MYOCD: variants seen among roughly 807,000 people sequenced by gnomAD.
The protein encoded by MYOCD is myocardin.
Under a neutral mutation model 96.1 loss-of-function variants are expected in MYOCD, and 32 were observed. The observed-to-expected ratio is 0.33, with a 90% confidence interval of 0.25 to 0.45. MYOCD has a LOEUF of 0.45. MYOCD is among the 20% of genes least tolerant of loss of function. MYOCD has a pLI of 1.00. For missense variants in MYOCD, 1,133 were observed against 1,200.6 expected (o/e 0.94, Z 0.83); for synonymous variants, 469 against 469.0 (o/e 1.00, Z 0.00).
At chr17:12,713,198 A>G (rs891603245) in intron 2 of MYOCD, among the ~76,000 whole-genome samples, 2 of 152,268 alleles carry the variant, frequency 1.3e-5, no homozygotes, top group African/African-American at 4.8e-5. Context: ...AGAAGGTTCC[A>G]GAAGACCTTT....
At chr17:12,738,577 T>C (rs2032413424) in intron 6 of MYOCD, among the ~76,000 whole-genome samples, 2 of 151,932 alleles carry the variant, frequency 1.3e-5, no homozygotes, top group Admixed American at 6.6e-5. Context: ...CACACATATA[T>C]ACACACATGC....
At chr17:12,678,210 A>G (rs528581558) in intron 1 of MYOCD, among the ~76,000 whole-genome samples, 54 of 151,586 alleles carry the variant, frequency 3.6e-4, no homozygotes, top group Non-Finnish European at 6.9e-4. Context: ...TTTTTACCCC[A>G]GATTGTGCTT....
At chr17:12,702,610 T>A (rs1207060165) in intron 1 of MYOCD, among the ~76,000 whole-genome samples, 1 of 152,030 alleles carries the variant, frequency 6.6e-6, no homozygotes, top group African/African-American at 2.4e-5. Context: ...TCCCTATACT[T>A]TTTGTTCCTA....
chr17:12,756,695 C>CAAAAAAAAAAAAAAAA (rs11307445), intron 11 of MYOCD, 138 bp downstream of exon 11: 19 of 142,208 alleles, frequency 1.3e-4, no homozygotes, highest in Admixed American at 2.2e-4. Flanking sequence ...GACTGCATCT[C>CAAAAAAAAAAAAAAAA]AAAAAAAAAA....
intron 9 of MYOCD, among the ~76,000 whole-genome samples, chr17:12,749,281 C>T (rs952047726): frequency 6.6e-6 from 1 of 152,002 alleles, no homozygotes; most frequent in Non-Finnish European, 1.5e-5. Flanking sequence ...GTAATCCTAG[C>T]GTTTGGGAGG....
chr17:12,700,332 G>A (rs2150668459), intron 1 of MYOCD, among the ~76,000 whole-genome samples: 1 of 146,784 alleles, frequency 6.8e-6, no homozygotes, highest in African/African-American at 2.5e-5. Context: ...CTCAATCTAA[G>A]TCAAAATGGC....
At chr17:12,758,939 C>A (rs2033091968) in intron 12 of MYOCD, among the ~76,000 whole-genome samples, 1 of 152,012 alleles carries the variant, frequency 6.6e-6, no homozygotes, top group Admixed American at 6.6e-5. Flanking sequence ...ATCCCAGCTA[C>A]TCTGGAGGCT....
At position 12,728,270 on chromosome 17, in the gene MYOCD, A is replaced by G. The variant is rs536005847; in HGVS notation, c.415+5262A>G. ...GGTCATCAGAGCATTTTCTTCACTT[A>G]ACGTGAACATCCCTTAGCTCCCACG... On this transcript the variant is annotated intron_variant, in intron 5 of 13. Transcript: ENST00000425538. 2.4e-4 allele frequency among the ~76,000 whole-genome samples: 37 copies of G among 152,212 alleles called. 1 individual carries two copies. In the South Asian group the frequency reaches 7.3e-3, roughly 30 times the overall value.
intron 6 of MYOCD, among the ~76,000 whole-genome samples, chr17:12,738,401 C>T (rs1342196301): frequency 6.6e-6 from 1 of 152,150 alleles, no homozygotes; most frequent in African/African-American, 2.4e-5. Flanking sequence ...CCTTTACAGA[C>T]TCTACCTCTG....
Position 12,763,252 on chromosome 17 carries a change from G to A in MYOCD, c.2569G>A (p.Val857Ile), listed in dbSNP as rs935349148. ...CACCGACAGTGATGAGCATCTTGAA[G>A]TCTTATTAAATTCCCAGAGCCCCCT... ...YATDSDEHLEVLLNSQSPLGK... is the reference protein window; with the variant it reads ...YATDSDEHLEILLNSQSPLGK... Residue 857 changes from valine (V) to isoleucine (I), a missense_variant, in exon 14 of 14, where the codon GTC becomes ATC. Coordinates refer to ENST00000425538, the MANE Select transcript of MYOCD (RefSeq NM_001146312.3). 1.9e-6 allele frequency: 3 copies of A among 1,613,800 alleles called. No homozygotes were observed. Among genetic ancestry groups the A allele is most frequent in the Admixed American group, 1.7e-5 (1 of 59,966 alleles).
intron 4 of MYOCD, among the ~76,000 whole-genome samples, chr17:12,719,663 G>T (rs1411439409): frequency 1.4e-5 from 2 of 140,794 alleles, no homozygotes; most frequent in Non-Finnish European, 3.0e-5. Context: ...GACCAGCCTG[G>T]CCAACACAAT....
chr17:12,668,611 T>C (rs1461521546), intron 1 of MYOCD, among the ~76,000 whole-genome samples: 1 of 151,978 alleles, frequency 6.6e-6, no homozygotes, highest in Non-Finnish European at 1.5e-5. Flanking sequence ...TTTAGTGATA[T>C]AAACTCATTT....
intron 1 of MYOCD, among the ~76,000 whole-genome samples, chr17:12,680,106 A>G (rs1388873440): frequency 6.6e-6 from 1 of 152,222 alleles, no homozygotes; most frequent in African/African-American, 2.4e-5. Flanking sequence ...AAGAACGTAA[A>G]CCTGTATTCA....
intron 11 of MYOCD, 133 bp downstream of exon 11, chr17:12,756,690 C>CAA: frequency 1.5e-5 from 2 of 136,942 alleles, no homozygotes; most frequent in Non-Finnish European, 2.5e-5. Flanking sequence ...AGCGAGACTG[C>CAA]ATCTCAAAAA....
chr17:12,747,932 C>T lies in MYOCD; in HGVS notation c.1125+1860C>T, dbSNP rs370356538. On this transcript the variant is annotated intron_variant, in intron 9 of 13. Coordinates refer to ENST00000425538, the MANE Select transcript of MYOCD (RefSeq NM_001146312.3). ...TATAATCGCAGCACTTTGGGTGCTG[C>T]GGTAGGCGGATCATGAAGTCAAGAG... Among the ~76,000 whole-genome samples, 72 of 149,876 alleles carry T rather than the reference C, an allele frequency of 4.8e-4. No homozygotes were observed. The East Asian group carries it at 5.7e-3, about 12-fold the overall frequency.
intron 1 of MYOCD, among the ~76,000 whole-genome samples, chr17:12,668,643 G>A (rs1909501523): frequency 6.6e-6 from 1 of 151,954 alleles, no homozygotes; most frequent in African/African-American, 2.4e-5. Context: ...GGGTGTCCTG[G>A]TTGAGTGCGT....
intron 1 of MYOCD, among the ~76,000 whole-genome samples, chr17:12,703,851 T>G (rs1037519191): frequency 6.6e-6 from 1 of 152,182 alleles, no homozygotes; most frequent in African/African-American, 2.4e-5. Flanking sequence ...CATTCAATAA[T>G]TTTTTATTCC....
At chr17:12,707,532 C>T (rs1439719809) in intron 2 of MYOCD, among the ~76,000 whole-genome samples, 3 of 151,698 alleles carry the variant, frequency 2.0e-5, no homozygotes, top group Non-Finnish European at 2.9e-5. Context: ...GGAGAAAACC[C>T]GTCTCTACTA....
intron 2 of MYOCD, among the ~76,000 whole-genome samples, chr17:12,709,782 CAG>C (rs1315676736): frequency 6.6e-6 from 1 of 152,182 alleles, no homozygotes; most frequent in Non-Finnish European, 1.5e-5. Context: ...GGCATTAGGA[CAG>C]AGAGTCCACC....
Sources: gnomAD v4.1 joint callset for allele counts (sites outside exome capture counted in the v4.1 genomes callset) on GRCh38, gnomAD v4.1.1 for gene constraint, MANE v1.5 for transcripts, NCBI Gene and HGNC (gene_info 2026-07-23, HGNC 2026-07-21) for gene names.